UBR2: variants seen among roughly 807,000 people sequenced by gnomAD.
UBR2 encodes the protein ubiquitin protein ligase E3 component n-recognin 2.
A neutral mutation model predicts 247.9 loss-of-function variants in UBR2; 92 were observed. The ratio of observed to expected loss-of-function variants is 0.37; its 90% CI spans 0.31 to 0.44. The LOEUF (loss-of-function observed/expected upper bound fraction) is 0.44, where lower values mean the gene tolerates loss of function less well. Among genes scored for constraint, UBR2 ranks in the 20% least tolerant of loss-of-function variants. UBR2 has a pLI of 1.00. For missense variants in UBR2, 1,613 were observed against 2,112.6 expected (o/e 0.76, Z 4.64); for synonymous variants, 672 against 693.5 (o/e 0.97, Z 0.49).
chr6:42,643,085 C>T (rs796317651), intron 18 of UBR2, among the ~76,000 whole-genome samples: 7 of 152,210 alleles, frequency 4.6e-5, no homozygotes, highest in African/African-American at 9.6e-5. Context: ...AACTTGGCTA[C>T]GTGTCCCTTT....
rs146023215 is a variant in UBR2, at chr6:42,641,211, C to T, written c.1921-371C>T. 9.2e-3 allele frequency among the ~76,000 whole-genome samples: 1,398 copies of T among 152,186 alleles called. 19 individuals are homozygous for T. Among genetic ancestry groups the T allele is most frequent in the African/African-American group, 0.03 (1,260 of 41,516 alleles). ...AGGCACAGTGGCCCACACCTGTAAT[C>T]GCAGCACTTTGGGAAGCTGAGGTGG... On this transcript the variant is annotated intron_variant, in intron 16 of 46. Transcript: ENST00000372901.
chr6:42,671,742 C>A (rs1798454276), intron 36 of UBR2, among the ~76,000 whole-genome samples: 1 of 152,272 alleles, frequency 6.6e-6, no homozygotes, highest in South Asian at 2.1e-4. Context: ...TGCCTCTCAG[C>A]CCACTCTCCC....
chr6:42,582,359 T>C (rs894437471), intron 2 of UBR2, among the ~76,000 whole-genome samples: 2 of 151,888 alleles, frequency 1.3e-5, no homozygotes, highest in African/African-American at 4.8e-5. Context: ...ATAGGCCTTC[T>C]AGACTGTAAT....
chr6:42,596,438 T>C (rs1250602168), intron 4 of UBR2, among the ~76,000 whole-genome samples: 1 of 152,112 alleles, frequency 6.6e-6, no homozygotes, highest in African/African-American at 2.4e-5. Context: ...ACAGTTTGGC[T>C]GTTCCTCAAA....
At chr6:42,625,473 A>G (rs1455357661) in intron 11 of UBR2, among the ~76,000 whole-genome samples, 7 of 151,812 alleles carry the variant, frequency 4.6e-5, no homozygotes, top group African/African-American at 1.5e-4. Flanking sequence ...TTTTTAGGAC[A>G]GGGTCTCACT....
chr6:42,667,751 A>G (rs546157307), intron 34 of UBR2, among the ~76,000 whole-genome samples: 28 of 129,658 alleles, frequency 2.2e-4, no homozygotes, highest in African/African-American at 7.5e-4. Context: ...TCCAATGTCT[A>G]ACAACTTTTT....
At chr6:42,580,603 G>C (rs1452839484) in intron 2 of UBR2, among the ~76,000 whole-genome samples, 1 of 151,924 alleles carries the variant, frequency 6.6e-6, no homozygotes, top group Non-Finnish European at 1.5e-5. Context: ...GCAGGGGCAC[G>C]ATCTTGGCTC....
chr6:42,665,413 T>C lies in UBR2; in HGVS notation c.3703T>C (p.Leu1235=). Residue 1235 remains leucine (L), a synonymous_variant, in exon 33 of 47, where the codon TTA becomes CTA. Coordinates refer to ENST00000372901, the MANE Select transcript of UBR2 (RefSeq NM_001363705.2). ...LPPRNIFNNR[L]NFSDQPNLTQ... Reference sequence around the variant, plus strand: ...ACTCTCTATAATCTTTTCTAGCAGGTTAAATTTTTCAGACCAACCAAATCT... The same window carrying C: ...ACTCTCTATAATCTTTTCTAGCAGGCTAAATTTTTCAGACCAACCAAATCT... 1.9e-6 allele frequency: 3 copies of C among 1,609,662 alleles called. No individual in the cohort carries two copies. Among genetic ancestry groups the C allele is most frequent in the Non-Finnish European group, 2.5e-6 (3 of 1,176,992 alleles).
rs1260072743 is a variant in UBR2 at position 42,659,832 on chromosome 6, G to A, written c.3419G>A (p.Arg1140Lys). Residue 1140 changes from arginine to lysine, a missense_variant, in exon 30 of 47, where the codon AGA becomes AAA. Physicochemically the swap from Arg to Lys is conservative, Grantham distance 26. This residue lies in a region of UBR2 where 1,524 missense variants were observed against 1,967.3 expected (regional missense o/e 0.77). Transcript: ENST00000372901. The surrounding 1 kb of genome is among the most constrained non-coding windows in gnomAD (Gnocchi z 4.3). The part of the protein sequence containing the change: ...VQRSTVLSKN[R>K]SKFIQDPEKY... Reference sequence around the variant, plus strand: ...AGATCAACTGTATTATCAAAAAACAGAAGTAAATTTATTCAAGATCCAGGT... The same window carrying A: ...AGATCAACTGTATTATCAAAAAACAAAAGTAAATTTATTCAAGATCCAGGT... 3 of 1,613,998 alleles carry A rather than the reference G, an allele frequency of 1.9e-6. No homozygotes were observed. The highest frequency in any genetic ancestry group is 2.5e-6 in the Non-Finnish European group (3 of 1,180,016).
intron 4 of UBR2, among the ~76,000 whole-genome samples, chr6:42,594,983 A>G (rs1001891541): frequency 1.3e-5 from 2 of 152,206 alleles, no homozygotes; most frequent in African/African-American, 4.8e-5. Flanking sequence ...ATGGTATGCT[A>G]CAATAGATTA....
intron 2 of UBR2, among the ~76,000 whole-genome samples, chr6:42,582,605 C>G (rs1791983727): frequency 6.6e-6 from 1 of 151,844 alleles, no homozygotes; most frequent in African/African-American, 2.4e-5. Flanking sequence ...ATATCCTTAC[C>G]AATAGGTGAT....
rs555203086 is a variant in UBR2 at position 42,689,260 on chromosome 6, G to T, written c.5025-309G>T. On this transcript the variant is annotated intron_variant, in intron 45 of 46. Coordinates refer to ENST00000372901, the MANE Select transcript of UBR2 (RefSeq NM_001363705.2). The surrounding 1 kb of genome is among the most constrained non-coding windows in gnomAD (Gnocchi z 4.0). ...TGTGGGCTCCTCTGGAGCATAGGTTGTATCCATAGCTTAGTCATCCCCCCA... is the reference window on the plus strand; with the variant it reads ...TGTGGGCTCCTCTGGAGCATAGGTTTTATCCATAGCTTAGTCATCCCCCCA... Among the ~76,000 whole-genome samples, 7 of 152,296 alleles carry T rather than the reference G, an allele frequency of 4.6e-5. No individual in the cohort carries two copies. The highest frequency in any genetic ancestry group is 1.4e-4 in the African/African-American group (6 of 41,562).
intron 11 of UBR2, 136 bp from the exon 12 acceptor site, chr6:42,632,416 G>A: frequency 4.4e-6 from 3 of 679,168 alleles, no homozygotes; most frequent in Non-Finnish European, 4.5e-6. Flanking sequence ...GAAATACACA[G>A]TAATGCATTT....
chr6:42,689,586 T>A lies in UBR2; in HGVS notation c.5042T>A (p.Val1681Glu). The A allele has an allele frequency of 6.2e-7, 1 of 1,614,148 alleles. No individual in the cohort carries two copies. The highest frequency in any genetic ancestry group is 8.5e-7 in the Non-Finnish European group (1 of 1,179,986). Residue 1681 changes from valine (V) to glutamate (E), a missense_variant, in exon 46 of 47, where the codon GTG becomes GAG. Around this residue, in one of 3 missense-constraint regions of UBR2, gnomAD observed 80 missense variants for 108.6 expected, o/e 0.74. Coordinates refer to ENST00000372901, the MANE Select transcript of UBR2 (RefSeq NM_001363705.2). This position sits in a 1 kb window ranked among gnomAD's most constrained non-coding sequence, Gnocchi z 4.0. ...GIFLRVRECQ[V>E]LFLAGKTKGC... ...CTCTACAGAGTACGGGAATGTCAGG[T>A]GCTATTTTTAGCTGGCAAAACCAAA...
chr6:42,619,444 T>TAC (rs1794802882), intron 11 of UBR2: 1 of 39,992 alleles, frequency 2.5e-5, no homozygotes, highest in African/African-American at 9.0e-5. Context: ...TATATATATA[T>TAC]ATATATATAT....
At chr6:42,679,537 A>G (rs1798907763) in intron 41 of UBR2, among the ~76,000 whole-genome samples, 187 bp from the exon 42 acceptor site, 1 of 152,280 alleles carries the variant, frequency 6.6e-6, no homozygotes, top group East Asian at 1.9e-4. Context: ...GCCTGACTGC[A>G]CTTGACGCAT....
chr6:42,594,194 A>G lies in UBR2; in HGVS notation c.421A>G (p.Thr141Ala), dbSNP rs754173243. 2 of 1,608,500 alleles carry G rather than the reference A, an allele frequency of 1.2e-6. No individual in the cohort carries two copies. The highest frequency in any genetic ancestry group is 2.2e-5 in the East Asian group (1 of 44,784). The change falls in exon 4 of 47, where the codon ACA (threonine) becomes GCA (alanine). Residue 141 changes from threonine to alanine, a missense_variant. Physicochemically the swap from Thr to Ala is moderately conservative, Grantham distance 58. This residue lies in a region of UBR2 where 1,524 missense variants were observed against 1,967.3 expected (regional missense o/e 0.77). Coordinates refer to ENST00000372901, the MANE Select transcript of UBR2 (RefSeq NM_001363705.2). ...SIHRDHRYRM[T>A]TSGGGGFCDC... is the part of the protein sequence containing the mutation. ...TACTTTACAATTTTTTTCCAAGATG[A>G]CAACATCAGGAGGTGGAGGTTTCTG... is the stretch of plus-strand genomic sequence containing the variant.
In UBR2 at chr6:42,644,343, A is replaced by G. The variant is rs1227768428; in HGVS notation, c.2220+7A>G. ...TTCTGAGATTACCCATAAGGTAAGA[A>G]CGTGTTTTATGAAACCACAACACAT... is the stretch of plus-strand genomic sequence containing the variant. On this transcript the variant is annotated splice_region_variant and intron_variant, in intron 19 of 46. Coordinates refer to ENST00000372901, the MANE Select transcript of UBR2 (RefSeq NM_001363705.2). 1.2e-6 allele frequency: 2 copies of G among 1,610,552 alleles called. No homozygotes were observed. Among genetic ancestry groups the G allele is most frequent in the Admixed American group, 3.4e-5 (2 of 59,210 alleles).
At chr6:42,605,605 C>T in intron 5 of UBR2, 116 bp from the exon 6 acceptor site, 1 of 837,040 alleles carries the variant, frequency 1.2e-6, no homozygotes, top group Non-Finnish European at 1.7e-6. Flanking sequence ...GAATTCTTTA[C>T]AGATATGTGT....
Sources: allele counts gnomAD v4.1 joint callset (sites outside exome capture counted in the v4.1 genomes callset), GRCh38; gene constraint gnomAD v4.1.1; regional missense constraint gnomAD v4.1.1; non-coding constraint Gnocchi (gnomAD v3.1); transcripts MANE v1.5; gene names NCBI Gene and HGNC (gene_info 2026-07-23, HGNC 2026-07-21).